NRXN1: variants seen among roughly 807,000 people sequenced by gnomAD.
The protein encoded by NRXN1 is neurexin 1, also known as neurexin-1.
Under a neutral mutation model 150.9 loss-of-function variants are expected in NRXN1, and 39 were observed. The ratio of observed to expected loss-of-function variants is 0.26; its 90% CI spans 0.20 to 0.34. NRXN1 has a LOEUF of 0.34. Among genes scored for constraint, NRXN1 ranks in the 10% least tolerant of loss-of-function variants. The pLI is 1.00. For missense variants in NRXN1, 1,815 were observed against 1,949.9 expected, an observed-to-expected ratio of 0.93 and a Z score of 1.30; for synonymous variants, 924 against 757.0, an observed-to-expected ratio of 1.22 and a Z score of -3.62.
chr2:50,702,549 C>CT (rs1390037237), intron 5 of NRXN1, among the ~76,000 whole-genome samples: 1 of 129,978 alleles, frequency 7.7e-6, no homozygotes, highest in African/African-American at 3.1e-5. Flanking sequence ...GTATTCATAG[C>CT]ATTTTTTTGA....
intron 10 of NRXN1, among the ~76,000 whole-genome samples, chr2:50,533,089 T>C (rs1333446735): frequency 6.6e-6 from 1 of 152,218 alleles, no homozygotes; most frequent in East Asian, 1.9e-4. Context: ...TATAAGACTT[T>C]AATCACTATT....
intron 21 of NRXN1, among the ~76,000 whole-genome samples, chr2:49,964,029 C>T (rs917955547): frequency 6.6e-6 from 1 of 152,166 alleles, no homozygotes; most frequent in Non-Finnish European, 1.5e-5. Context: ...TCTCCCTAGT[C>T]CCACAGAGGC....
intron 18 of NRXN1, among the ~76,000 whole-genome samples, chr2:50,215,081 A>G (rs185208250): frequency 1.8e-4 from 28 of 152,114 alleles, no homozygotes; most frequent in Middle Eastern, 3.4e-3. Flanking sequence ...TATTTATCTA[A>G]TTACCTTCCT....
At chr2:50,039,309 T>C (rs1232469369) in intron 21 of NRXN1, among the ~76,000 whole-genome samples, 1 of 151,738 alleles carries the variant, frequency 6.6e-6, no homozygotes, top group Non-Finnish European at 1.5e-5. Context: ...CTACTAAAAA[T>C]ACAAAAATCA....
chr2:50,031,416 T>G (rs1689160634), intron 21 of NRXN1, among the ~76,000 whole-genome samples: 1 of 152,106 alleles, frequency 6.6e-6, no homozygotes, highest in East Asian at 1.9e-4. Flanking sequence ...GATATTTTTC[T>G]TATCCATATC....
chr2:50,110,416 C>T (rs1702221485), intron 18 of NRXN1, among the ~76,000 whole-genome samples: 1 of 148,000 alleles, frequency 6.8e-6, no homozygotes, highest in Non-Finnish European at 1.5e-5. Context: ...GGCGTGAAGC[C>T]GGGAGGCGGA....
At chr2:50,160,683 G>C (rs1559000491) in intron 18 of NRXN1, among the ~76,000 whole-genome samples, 1 of 152,092 alleles carries the variant, frequency 6.6e-6, no homozygotes, top group Non-Finnish European at 1.5e-5. Flanking sequence ...AGTGGATTAA[G>C]GACTTCCCAA....
intron 17 of NRXN1, among the ~76,000 whole-genome samples, chr2:50,418,684 C>T (rs942399519): frequency 2.0e-5 from 3 of 151,952 alleles, no homozygotes; most frequent in African/African-American, 7.2e-5. Flanking sequence ...CAAATTCATC[C>T]AGGGATCAAG....
intron 18 of NRXN1, among the ~76,000 whole-genome samples, chr2:50,111,639 A>C (rs1375404505): frequency 1.3e-5 from 2 of 151,462 alleles, no homozygotes; most frequent in Non-Finnish European, 2.9e-5. Flanking sequence ...ACTCTGTCTC[A>C]AAAAAAAGAA....
intron 18 of NRXN1, among the ~76,000 whole-genome samples, chr2:50,210,412 T>G (rs753859731): frequency 4.6e-5 from 7 of 151,880 alleles, no homozygotes; most frequent in Non-Finnish European, 5.9e-5. Context: ...CATTAATATT[T>G]AATTGCACCC....
In NRXN1 at chr2:50,495,953, T is replaced by C. The variant is rs200047692; in HGVS notation, c.3022A>G (p.Lys1008Glu). ...SNLHTVKIDTKITTQITAGAR... is the reference protein window; with the variant it reads ...SNLHTVKIDTEITTQITAGAR... ...CCGGCGGTGATTTGCGTTGTGATTT[T>C]TGTGTCAATCTTTACAGTGTGGAGG... Residue 1008 changes from lysine (K) to glutamate (E), a missense_variant, in exon 15 of 23, where the codon AAA (lysine) becomes GAA (glutamate). Around this residue, in one of 6 missense-constraint regions of NRXN1, gnomAD observed 339 missense variants for 440.3 expected, o/e 0.77. Transcript: ENST00000401669. 6.2e-7 allele frequency: 1 copy of C among 1,610,896 alleles called. No individual in the cohort carries two copies. Among genetic ancestry groups the C allele is most frequent in the Admixed American group, 1.7e-5 (1 of 59,458 alleles).
chr2:50,317,777 T>C (rs2075730375), intron 17 of NRXN1, among the ~76,000 whole-genome samples: 1 of 151,862 alleles, frequency 6.6e-6, no homozygotes, highest in Non-Finnish European at 1.5e-5. Flanking sequence ...ACAACAAAAG[T>C]CAAAGCCACC....
intron 17 of NRXN1, among the ~76,000 whole-genome samples, chr2:50,241,977 C>T (rs2066042153): frequency 6.6e-6 from 1 of 151,712 alleles, no homozygotes; most frequent in Admixed American, 6.6e-5. Context: ...TAATTAACTT[C>T]GGAGTAGATT....
chr2:50,335,244 C>A (rs137896424), intron 17 of NRXN1, among the ~76,000 whole-genome samples: 1 of 152,274 alleles, frequency 6.6e-6, no homozygotes, highest in Admixed American at 6.5e-5. Context: ...AGTTGCTGAG[C>A]ATTTTCCTTT....
At chr2:50,380,239 G>A (rs2080851426) in intron 17 of NRXN1, among the ~76,000 whole-genome samples, 1 of 151,790 alleles carries the variant, frequency 6.6e-6, no homozygotes, top group Non-Finnish European at 1.5e-5. Flanking sequence ...ATCTACTCAA[G>A]TGTTTAGCTT....
chr2:50,744,735 T>C (rs1312610656), intron 5 of NRXN1, among the ~76,000 whole-genome samples: 1 of 152,122 alleles, frequency 6.6e-6, no homozygotes, highest in Non-Finnish European at 1.5e-5. Flanking sequence ...ATTGTGAATA[T>C]GTATATTCAT....
At chr2:51,026,935 G>A (rs1356279962) in intron 2 of NRXN1, among the ~76,000 whole-genome samples, 1 of 152,198 alleles carries the variant, frequency 6.6e-6, no homozygotes, top group African/African-American at 2.4e-5. Flanking sequence ...GGTTTTTACC[G>A]CTCTATCTGC....
chr2:50,829,389 A>C lies in NRXN1; in HGVS notation c.832+92480T>G. ...GTGATCCGCCCGCCTCGGGCTCCCA[A>C]AGTGCGGGGATTACAGGCATGAGCC... On this transcript the variant is annotated intron_variant, in intron 5 of 22. Transcript: ENST00000401669. 3 of 1,197,246 alleles carry C rather than the reference A, an allele frequency of 2.5e-6. No homozygotes were observed. The Admixed American group carries it at 5.9e-5, about 23-fold the overall frequency. 74.2% of individuals were successfully genotyped at this position (1,197,246 alleles called of 1,614,324 possible).
intron 21 of NRXN1, among the ~76,000 whole-genome samples, chr2:49,994,263 A>G (rs923912516): frequency 1.6e-4 from 24 of 152,198 alleles, no homozygotes; most frequent in African/African-American, 5.8e-4. Context: ...TGTGGAAACC[A>G]ACAGGTCAAA....
Sources: allele counts gnomAD v4.1 joint callset (sites outside exome capture counted in the v4.1 genomes callset), GRCh38; gene constraint gnomAD v4.1.1; regional missense constraint gnomAD v4.1.1; transcripts MANE v1.5; gene names NCBI Gene and HGNC (gene_info 2026-07-23, HGNC 2026-07-21).